AP3B1: variants seen among roughly 807,000 people sequenced by gnomAD.
The protein encoded by AP3B1 is adaptor related protein complex 3 subunit beta 1.
In AP3B1, 61 loss-of-function variants were observed where a neutral mutation model predicts 132.5. That is an observed-to-expected ratio of 0.46 (90% CI 0.37 to 0.57). AP3B1 has a LOEUF of 0.57. Among genes scored for constraint, AP3B1 ranks in the 20% least tolerant of loss-of-function variants. AP3B1 has a pLI of 0.00. For synonymous variants in AP3B1, 388 were observed against 438.3 expected (o/e 0.89, Z 1.43); for missense variants, 1,120 against 1,289.4 (o/e 0.87, Z 2.01).
At chr5:78,070,657 T>C (rs1012148633) in intron 22 of AP3B1, among the ~76,000 whole-genome samples, 1 of 150,618 alleles carries the variant, frequency 6.6e-6, no homozygotes, top group Non-Finnish European at 1.5e-5. Flanking sequence ...TTGCAATCTA[T>C]CCATTTGACA....
intron 7 of AP3B1, among the ~76,000 whole-genome samples, chr5:78,195,357 A>T (rs1248225572): frequency 6.6e-6 from 1 of 152,204 alleles, no homozygotes; most frequent in Admixed American, 6.5e-5. Flanking sequence ...GTAAAGCTAC[A>T]CATATCAAGA....
chr5:78,203,449 G>GC (rs895609207), intron 7 of AP3B1, among the ~76,000 whole-genome samples: 2 of 151,974 alleles, frequency 1.3e-5, no homozygotes, highest in Non-Finnish European at 2.9e-5. Context: ...GGGGAAAACT[G>GC]CCCCCCATGA....
At position 78,177,252 on chromosome 5, in the gene AP3B1, A is replaced by T. The variant is rs947135995; in HGVS notation, c.1040+87T>A. The T allele has an allele frequency of 4.6e-5, 40 of 861,192 alleles. 1 individual carries two copies. Among genetic ancestry groups the T allele is most frequent in the Admixed American group, 3.4e-4 (17 of 49,518 alleles). The allele number at this position is 861,192 out of a possible 1,614,324, so 53.3% of individuals were successfully genotyped here. On this transcript the variant is annotated intron_variant, in intron 9 of 26. Transcript: ENST00000255194. ...TTGATTAAAATATAGTCAGAGTTAT[A>T]TATTAAATGCCTGAAAGATTACATT...
chr5:78,055,016 GAC>G (rs3050076), intron 22 of AP3B1, among the ~76,000 whole-genome samples: 30,115 of 144,366 alleles, frequency 0.21, 3,307 homozygotes, highest in East Asian at 0.45. Flanking sequence ...CAGACCTACA[GAC>G]ACACACACAC....
chr5:78,082,908 C>T (rs953858480), intron 22 of AP3B1, among the ~76,000 whole-genome samples: 14 of 152,066 alleles, frequency 9.2e-5, no homozygotes, highest in Middle Eastern at 3.4e-3. Flanking sequence ...CTCCGCCTTC[C>T]GGGTTTAAGC....
chr5:78,228,374 T>C, intron 3 of AP3B1, 135 bp from the exon 4 acceptor site: 1 of 631,786 alleles, frequency 1.6e-6, no homozygotes, highest in Non-Finnish European at 2.7e-6. Context: ...AAAATAAAAA[T>C]AATATTTTGT....
chr5:78,010,549 G>A (rs1746578375), intron 26 of AP3B1, among the ~76,000 whole-genome samples: 1 of 152,162 alleles, frequency 6.6e-6, no homozygotes, highest in Admixed American at 6.5e-5. Flanking sequence ...GCTGTTATCA[G>A]AGGACATGCA....
intron 13 of AP3B1, among the ~76,000 whole-genome samples, chr5:78,157,169 G>A (rs1743184315): frequency 1.3e-5 from 2 of 152,144 alleles, no homozygotes; most frequent in South Asian, 4.2e-4. Flanking sequence ...CCTACTGAAG[G>A]TACTGCAAGT....
chr5:78,237,496 A>T (rs550643723), intron 3 of AP3B1, among the ~76,000 whole-genome samples: 1 of 151,704 alleles, frequency 6.6e-6, no homozygotes, highest in East Asian at 2.0e-4. Context: ...ATACTTTAAA[A>T]TATTAAATCT....
intron 15 of AP3B1, among the ~76,000 whole-genome samples, chr5:78,131,863 T>A (rs535053271): frequency 1.3e-5 from 2 of 152,254 alleles, no homozygotes; most frequent in East Asian, 3.9e-4. Flanking sequence ...AAAGGTAAAA[T>A]TTTTTGGCAT....
intron 22 of AP3B1, among the ~76,000 whole-genome samples, chr5:78,047,540 T>C (rs1262924825): frequency 6.6e-6 from 1 of 152,212 alleles, no homozygotes; most frequent in Non-Finnish European, 1.5e-5. Context: ...CACTTTTTGA[T>C]GGGGTTGTTT....
At chr5:78,249,231 A>AG (rs780200409) in intron 2 of AP3B1, among the ~76,000 whole-genome samples, 2 of 146,624 alleles carry the variant, frequency 1.4e-5, no homozygotes, top group African/African-American at 2.5e-5. Context: ...GGGGCTGGGG[A>AG]GCGGGGGCAC....
chr5:78,235,918 A>C (rs899362384), intron 3 of AP3B1, among the ~76,000 whole-genome samples: 3 of 152,234 alleles, frequency 2.0e-5, no homozygotes, highest in Non-Finnish European at 4.4e-5. Context: ...GTGTGTCTAA[A>C]GCAGCATGTA....
intron 21 of AP3B1, among the ~76,000 whole-genome samples, chr5:78,091,007 T>C (rs1263006958): frequency 6.6e-6 from 1 of 151,640 alleles, no homozygotes; most frequent in Non-Finnish European, 1.5e-5. Flanking sequence ...GGCTGGTCGC[T>C]AACTCCTAGG....
intron 15 of AP3B1, among the ~76,000 whole-genome samples, chr5:78,131,008 A>G (rs1433518404): frequency 1.3e-5 from 2 of 151,820 alleles, no homozygotes; most frequent in African/African-American, 4.8e-5. Context: ...TATATAATTT[A>G]AAAATTTTTA....
At chr5:78,073,761 T>C (rs1580312964) in intron 22 of AP3B1, among the ~76,000 whole-genome samples, 1 of 152,164 alleles carries the variant, frequency 6.6e-6, no homozygotes, top group East Asian at 1.9e-4. Context: ...AAAATCATAA[T>C]CTTAGGGAAA....
intron 20 of AP3B1, among the ~76,000 whole-genome samples, chr5:78,105,400 A>T (rs972577555): frequency 1.2e-4 from 18 of 152,260 alleles, no homozygotes; most frequent in South Asian, 2.1e-4. Flanking sequence ...TTTTAAATAA[A>T]TTTTTTCACC....
chr5:78,128,207 A>G (rs1752545086), intron 16 of AP3B1, 47 bp from the exon 17 acceptor site: 1 of 1,464,758 alleles, frequency 6.8e-7, no homozygotes, highest in African/African-American at 1.4e-5. Flanking sequence ...TGAGCTGTAT[A>G]TAACAGAGAA....
At chr5:78,131,373 G>A (rs74509763) in intron 15 of AP3B1, among the ~76,000 whole-genome samples, 3,918 of 151,960 alleles carry the variant, frequency 0.026, 191 homozygotes, top group African/African-American at 0.089. Flanking sequence ...GTATAATGGA[G>A]AAAATACCCT....
Sources: gnomAD v4.1 joint callset for allele counts (sites outside exome capture counted in the v4.1 genomes callset) on GRCh38, gnomAD v4.1.1 for gene constraint, MANE v1.5 for transcripts, NCBI Gene and HGNC (gene_info 2026-07-23, HGNC 2026-07-21) for gene names.